SGMS1: variants seen among roughly 807,000 people sequenced by gnomAD.
SGMS1 encodes the protein sphingomyelin synthase 1, also known as phosphatidylcholine:ceramide cholinephosphotransferase 1.
A neutral mutation model predicts 46.2 loss-of-function variants in SGMS1; 13 were observed. That is an observed-to-expected ratio of 0.28 (90% CI 0.18 to 0.45). SGMS1 has a LOEUF of 0.45. Ranked by LOEUF, SGMS1 falls within the 20% of genes least tolerant of loss-of-function variation. The probability of loss-of-function intolerance (pLI) is 1.00; values close to 1 mark genes in which losing one functional copy is unlikely to be tolerated. For missense variants in SGMS1, 324 were observed against 519.9 expected (o/e 0.62, Z 3.66); for synonymous variants, 203 against 187.8 (o/e 1.08, Z -0.66).
intron 8 of SGMS1, among the ~76,000 whole-genome samples, chr10:50,312,393 T>C (rs1847270747): frequency 6.7e-6 from 1 of 148,888 alleles, no homozygotes; most frequent in Non-Finnish European, 1.5e-5. Context: ...AGGATATAAA[T>C]TTCCAAATCC....
intron 2 of SGMS1, among the ~76,000 whole-genome samples, chr10:50,567,320 G>A (rs1220922967): frequency 6.6e-6 from 1 of 152,128 alleles, no homozygotes; most frequent in Non-Finnish European, 1.5e-5. Context: ...CCCATAGCTG[G>A]TTGAATCCTC....
chr10:50,398,753 A>C (rs12780505), intron 6 of SGMS1, among the ~76,000 whole-genome samples: 5 of 152,174 alleles, frequency 3.3e-5, no homozygotes, highest in Non-Finnish European at 7.4e-5. Flanking sequence ...TTACCAAAGA[A>C]GCCTTATAAA....
intron 8 of SGMS1, among the ~76,000 whole-genome samples, chr10:50,317,699 T>C (rs1215832097): frequency 2.0e-5 from 3 of 152,270 alleles, no homozygotes; most frequent in Admixed American, 2.0e-4. Flanking sequence ...AATACACGAT[T>C]GAATAGCTAA....
intron 7 of SGMS1, chr10:50,341,141 T>C: frequency 3.0e-6 from 1 of 330,074 alleles, no homozygotes; most frequent in Admixed American, 3.8e-5. Context: ...AAATGCCAGA[T>C]AAACAAAACT....
intron 8 of SGMS1, among the ~76,000 whole-genome samples, chr10:50,312,470 G>A (rs1847271907): frequency 1.3e-5 from 2 of 152,060 alleles, no homozygotes; most frequent in East Asian, 1.9e-4. Context: ...TCAGCATCAT[G>A]GGATTTTAGA....
upstream of SGMS1, chr10:50,624,175 C>G (rs376828745): frequency 6.6e-5 from 64 of 970,348 alleles, no homozygotes; most frequent in African/African-American, 1.0e-3. Flanking sequence ...GAGGCGGGCG[C>G]TTTCCCCAGC....
At chr10:50,425,692 A>G (rs1356872876) in intron 6 of SGMS1, among the ~76,000 whole-genome samples, 2 of 152,202 alleles carry the variant, frequency 1.3e-5, no homozygotes, top group Non-Finnish European at 2.9e-5. Flanking sequence ...ACTCAGCATC[A>G]CACAATCTAC....
intron 6 of SGMS1, among the ~76,000 whole-genome samples, chr10:50,365,455 G>A (rs998117499): frequency 2.0e-5 from 3 of 151,806 alleles, no homozygotes; most frequent in Admixed American, 6.6e-5. Context: ...CAAGATACAC[G>A]TGCAGAGCAT....
intron 3 of SGMS1, among the ~76,000 whole-genome samples, chr10:50,472,564 T>C (rs1837387969): frequency 6.6e-6 from 1 of 152,212 alleles, no homozygotes. Flanking sequence ...ATTTTCTTTA[T>C]CCATTCATCT....
intron 6 of SGMS1, among the ~76,000 whole-genome samples, chr10:50,353,585 C>A (rs1488805615): frequency 3.3e-5 from 5 of 152,278 alleles, no homozygotes; most frequent in South Asian, 2.1e-4. Context: ...GAAGTTCTGG[C>A]CAGGGCAATC....
In SGMS1 at chr10:50,476,684, C is replaced by T. The variant is rs929557741; in HGVS notation, c.-497-9752G>A. Among the ~76,000 whole-genome samples the T allele has an allele frequency of 5.9e-5, 9 of 152,140 alleles. No individual in the cohort carries two copies. The East Asian group carries it at 7.7e-4, about 13-fold the overall frequency. On this transcript the variant is annotated intron_variant, in intron 3 of 10. Transcript: ENST00000361781. ...GTGGGCCAGGCCTAGGACACCACTG[C>T]GCTGGGCAGCATCAGGTCATGGCTC...
chr10:50,445,995 G>GC (rs1157102264), intron 5 of SGMS1, among the ~76,000 whole-genome samples: 23 of 152,242 alleles, frequency 1.5e-4, no homozygotes, highest in South Asian at 1.2e-3. Flanking sequence ...GAAGAGATAA[G>GC]CCCCCATCTC....
intron 2 of SGMS1, among the ~76,000 whole-genome samples, chr10:50,570,547 A>G (rs1338180119): frequency 1.3e-5 from 2 of 152,228 alleles, no homozygotes; most frequent in African/African-American, 4.8e-5. Flanking sequence ...GACAGGCCCA[A>G]TCAAGGTCTA....
At chr10:50,342,920 G>A (rs948931593) in intron 7 of SGMS1, 3 of 152,294 alleles carry the variant, frequency 2.0e-5, no homozygotes, top group Non-Finnish European at 4.4e-5. Flanking sequence ...AGTAGTAGTA[G>A]TAGAAGGTGG....
chr10:50,341,363 G>T, intron 7 of SGMS1: 1 of 455,990 alleles, frequency 2.2e-6, no homozygotes, highest in South Asian at 1.5e-5. Context: ...ACCAGCGATG[G>T]ACCCCAGTAG....
intron 3 of SGMS1, among the ~76,000 whole-genome samples, chr10:50,496,069 T>G (rs1020259557): frequency 1.3e-5 from 2 of 152,232 alleles, no homozygotes; most frequent in African/African-American, 2.4e-5. Flanking sequence ...TCCAGTGTGT[T>G]ACATGATAAG....
At chr10:50,606,979 C>CTT (rs1156272339) in intron 1 of SGMS1, among the ~76,000 whole-genome samples, 4 of 138,840 alleles carry the variant, frequency 2.9e-5, no homozygotes, top group African/African-American at 2.6e-5. Context: ...TAGCATTGTA[C>CTT]TTTTTTTTTT....
In SGMS1 at chr10:50,343,802, T is replaced by C; in HGVS notation, c.313A>G (p.Asn105Asp). 2 of 1,614,108 alleles carry C rather than the reference T, an allele frequency of 1.2e-6. No individual in the cohort carries two copies. The highest frequency in any genetic ancestry group is 1.7e-6 in the Non-Finnish European group (2 of 1,180,004). ...TTCCTATACCCATTTGGCATCCCGT[T>C]GGGTTTAATCTTGATGCTGAAGCTG... Reference protein sequence around the residue: ...DGSFSIKIKPNGMPNGYRKEM... With the variant: ...DGSFSIKIKPDGMPNGYRKEM... The change falls in exon 7 of 11, where the codon AAC (asparagine) becomes GAC (aspartate). Residue 105 changes from asparagine to aspartate, a missense_variant. Physicochemically the swap from Asn to Asp is conservative, Grantham distance 23 (BLOSUM62 1). This residue lies in a region of SGMS1 where 150 missense variants were observed against 169.8 expected (regional missense o/e 0.88). Transcript: ENST00000361781.
chr10:50,562,663 C>G (rs1458199772), intron 2 of SGMS1, among the ~76,000 whole-genome samples: 3 of 152,218 alleles, frequency 2.0e-5, no homozygotes, highest in African/African-American at 7.2e-5. Flanking sequence ...CCTGCCTCAG[C>G]CTCCCGAGTA....
Sources: gnomAD v4.1 joint callset for allele counts (sites outside exome capture counted in the v4.1 genomes callset) on GRCh38, gnomAD v4.1.1 for gene constraint, gnomAD v4.1.1 regional missense constraint, MANE v1.5 for transcripts, NCBI Gene and HGNC (gene_info 2026-07-23, HGNC 2026-07-21) for gene names.